Variants in TMEM231 observed in about 807,000 individuals in gnomAD.
The protein encoded by TMEM231 is transmembrane protein 231.
Under a neutral mutation model 38.5 loss-of-function variants are expected in TMEM231, and 40 were observed. That is an observed-to-expected ratio of 1.04 (90% CI 0.81 to 1.35). TMEM231 has a LOEUF of 1.35. Ranked by LOEUF, TMEM231 falls within the 40% of genes most tolerant of loss-of-function variation. TMEM231 has a pLI of 0.00. For synonymous variants in TMEM231, 199 were observed against 181.7 expected, an observed-to-expected ratio of 1.10 and a Z score of -0.77; for missense variants, 420 against 416.9, an observed-to-expected ratio of 1.01 and a Z score of -0.07.
intron 2 of TMEM231, among the ~76,000 whole-genome samples, chr16:75,554,219 C>T (rs746282152): frequency 1.3e-5 from 2 of 152,102 alleles, no homozygotes; most frequent in African/African-American, 2.4e-5. Flanking sequence ...TCCAATTCCT[C>T]AAAATTTGAT....
chr16:75,539,957 C>G lies in TMEM231; in HGVS notation c.*37G>C, dbSNP rs766191939. ...ATGTTCCCAGAAGATGACAATGAGG[C>G]AGCCACGGTCCTGCTGAGTCTTCAG... On this transcript the variant is annotated 3_prime_UTR_variant, in exon 7 of 7. Coordinates refer to ENST00000258173, the MANE Select transcript of TMEM231 (RefSeq NM_001077418.3). 42 of 1,561,412 alleles carry G rather than the reference C, an allele frequency of 2.7e-5. No individual in the cohort carries two copies. The highest frequency in any genetic ancestry group is 3.5e-5 in the Non-Finnish European group (40 of 1,151,872).
upstream of TMEM231, chr16:75,556,273 G>T (rs191646515): frequency 6.0e-5 from 83 of 1,387,856 alleles, no homozygotes; most frequent in Admixed American, 6.8e-4. Context: ...GGTTGCCATC[G>T]CCTCGGTCTC....
At chr16:75,543,835 T>C (rs1194491882) in intron 4 of TMEM231, among the ~76,000 whole-genome samples, 2 of 152,240 alleles carry the variant, frequency 1.3e-5, no homozygotes, top group Admixed American at 6.5e-5. Context: ...CTTCCTATTC[T>C]TTACAACTTA....
intron 2 of TMEM231, among the ~76,000 whole-genome samples, chr16:75,552,399 G>C (rs2080773177): frequency 6.6e-6 from 1 of 152,180 alleles, no homozygotes; most frequent in Non-Finnish European, 1.5e-5. Flanking sequence ...GCTGCAGTGA[G>C]CCAAGATTGC....
At chr16:75,550,307 G>C (rs1159299887) in intron 2 of TMEM231, among the ~76,000 whole-genome samples, 1 of 152,230 alleles carries the variant, frequency 6.6e-6, no homozygotes, top group Non-Finnish European at 1.5e-5. Context: ...GAGGCGTCCT[G>C]CTCCTTCCTG....
chr16:75,547,113 A>T (rs1258930764), intron 2 of TMEM231, among the ~76,000 whole-genome samples: 1 of 152,218 alleles, frequency 6.6e-6, no homozygotes, highest in Non-Finnish European at 1.5e-5. Context: ...ATCACTGCTG[A>T]CATGGTCCCT....
Position 75,541,401 on chromosome 16 carries a change from T to C in TMEM231, c.719A>G (p.Asp240Gly), listed in dbSNP as rs146210288. 582 of 1,612,192 alleles carry C rather than the reference T, an allele frequency of 3.6e-4. 7 individuals carry two copies. The African/African-American group carries it at 6.0e-3, about 17-fold the overall frequency. ...NPIWLVGRAA[D>G]APFVINAIIR... is the part of the protein sequence containing the mutation. ...GATAGCATTAATCACAAATGGAGCA[T>C]CTGCGGCCCTGCCCACCAGCCAGAT... The change falls in exon 6 of 7, where the codon GAT becomes GGT. Residue 240 changes from aspartate to glycine, a missense_variant. Coordinates refer to ENST00000258173, the MANE Select transcript of TMEM231 (RefSeq NM_001077418.3).
intron 4 of TMEM231, among the ~76,000 whole-genome samples, chr16:75,544,731 T>C (rs1459241802): frequency 6.6e-6 from 1 of 152,182 alleles, no homozygotes; most frequent in Non-Finnish European, 1.5e-5. Flanking sequence ...CAAGCGTGTG[T>C]ATGGAAGACA....
At chr16:75,542,961 T>G (rs1193565292) in intron 4 of TMEM231, among the ~76,000 whole-genome samples, 4 of 152,166 alleles carry the variant, frequency 2.6e-5, no homozygotes, top group Admixed American at 2.6e-4. Flanking sequence ...TTAAGCCCAT[T>G]TACTCTCAGT....
At position 75,538,134 on chromosome 16, in the gene TMEM231, T is replaced by C. The variant is rs1003611452; in HGVS notation, c.*1860A>G. 1 of 152,116 alleles carries C rather than the reference T, an allele frequency of 6.6e-6. No homozygotes were observed. Among genetic ancestry groups the C allele is most frequent in the Non-Finnish European group, 1.5e-5 (1 of 67,994 alleles). 9.4% of individuals were successfully genotyped at this position (152,116 alleles called of 1,614,324 possible). ...ATGTGATCTTCCATTTTGACTTTTTTATTTATTTATTTATTTATTTTAACA... is the reference window on the plus strand; with the variant it reads ...ATGTGATCTTCCATTTTGACTTTTTCATTTATTTATTTATTTATTTTAACA... On this transcript the variant is annotated 3_prime_UTR_variant, in exon 7 of 7. Transcript: ENST00000258173.
intron 2 of TMEM231, among the ~76,000 whole-genome samples, chr16:75,548,890 A>G (rs2080723869): frequency 6.6e-6 from 1 of 151,930 alleles, no homozygotes; most frequent in Admixed American, 6.6e-5. Flanking sequence ...AAAAAACCCA[A>G]AAAGAATTTA....
chr16:75,541,296 A>T, intron 6 of TMEM231, 54 bp downstream of exon 6: 1 of 1,366,322 alleles, frequency 7.3e-7, no homozygotes, highest in Non-Finnish European at 1.0e-6. Context: ...CTGAAATTAT[A>T]GGCAGGAGCC....
intron 2 of TMEM231, among the ~76,000 whole-genome samples, chr16:75,551,261 G>C (rs148215192): frequency 6.6e-6 from 1 of 151,958 alleles, no homozygotes; most frequent in African/African-American, 2.4e-5. Flanking sequence ...GCAGTGGCAC[G>C]ATCACAGCTC....
chr16:75,545,045 T>G (rs530148845), intron 4 of TMEM231, among the ~76,000 whole-genome samples: 1 of 135,282 alleles, frequency 7.4e-6, no homozygotes, highest in Non-Finnish European at 1.5e-5. Flanking sequence ...AACCTCCACC[T>G]CCTGGGTTCA....
chr16:75,545,865 G>A lies in TMEM231; in HGVS notation c.399C>T (p.Leu133=), dbSNP rs534627748. The A allele has an allele frequency of 6.3e-5, 90 of 1,436,062 alleles. No individual in the cohort carries two copies. The highest frequency in any genetic ancestry group is 3.9e-4 in the South Asian group (30 of 77,340). 89.0% of individuals were successfully genotyped at this position (1,436,062 alleles called of 1,614,324 possible). Residue 133 remains leucine, a synonymous_variant, in exon 3 of 7, where the codon CTC becomes CTT. Coordinates refer to ENST00000258173, the MANE Select transcript of TMEM231 (RefSeq NM_001077418.3). ...AGAAAGTCAGGATGAGCTGCACACC[G>A]AGAACGTGCTCCGTGGACTGCAGGG... ...ELPLQSTEHV[L]GVQLILTFSY...
chr16:75,552,822 C>G (rs1160240672), intron 2 of TMEM231, among the ~76,000 whole-genome samples: 2 of 152,148 alleles, frequency 1.3e-5, no homozygotes, highest in Non-Finnish European at 2.9e-5. Context: ...ACACTGATTT[C>G]AGGGATGAGA....
chr16:75,541,507 T>A, intron 5 of TMEM231, 52 bp from the exon 6 acceptor site: 1 of 1,231,636 alleles, frequency 8.1e-7, no homozygotes, highest in Non-Finnish European at 1.2e-6. Context: ...ACTCTGGCAG[T>A]TGAAGGCTAT....
chr16:75,556,033 C>T (rs2080807163), intron 1 of TMEM231, 38 bp downstream of exon 1: 2 of 1,565,914 alleles, frequency 1.3e-6, no homozygotes, highest in Non-Finnish European at 1.7e-6. Flanking sequence ...CGAGCGCGCC[C>T]GGGGAGCCTC....
intron 6 of TMEM231, among the ~76,000 whole-genome samples, chr16:75,540,526 C>G (rs2550911): frequency 1.3e-5 from 2 of 152,022 alleles, no homozygotes; most frequent in South Asian, 2.1e-4. Flanking sequence ...TGCACCTGTA[C>G]GGAACACAAT....
Sources: allele counts gnomAD v4.1 joint callset (sites outside exome capture counted in the v4.1 genomes callset), GRCh38; gene constraint gnomAD v4.1.1; transcripts MANE v1.5; gene names NCBI Gene and HGNC (gene_info 2026-07-23, HGNC 2026-07-21).